The following PPP1R9A variants were observed in gnomAD, a reference collection of about 807,000 sequenced individuals.
The protein encoded by PPP1R9A is neurabin-1.
A neutral mutation model predicts 141.9 loss-of-function variants in PPP1R9A; 59 were observed. The ratio of observed to expected loss-of-function variants is 0.42; its 90% CI spans 0.34 to 0.52. PPP1R9A has a LOEUF of 0.52. Ranked by LOEUF, PPP1R9A falls within the 20% of genes least tolerant of loss-of-function variation. The pLI, the probability that PPP1R9A is intolerant of heterozygous loss-of-function variation, is 0.10. For missense variants in PPP1R9A, 1,444 were observed against 1,611.9 expected, an observed-to-expected ratio of 0.90 and a Z score of 1.78; for synonymous variants, 500 against 569.7, an observed-to-expected ratio of 0.88 and a Z score of 1.74.
intron 4 of PPP1R9A, among the ~76,000 whole-genome samples, chr7:95,144,702 C>T (rs1827298804): frequency 6.6e-6 from 1 of 152,108 alleles, no homozygotes; most frequent in African/African-American, 2.4e-5. Flanking sequence ...ACTCTTGCCA[C>T]TTATCAACAT....
At chr7:95,282,768 A>G (rs1303970784) in intron 16 of PPP1R9A, among the ~76,000 whole-genome samples, 1 of 152,150 alleles carries the variant, frequency 6.6e-6, no homozygotes, top group Non-Finnish European at 1.5e-5. Context: ...TGACTTCTTC[A>G]TTCTCTTCAG....
At chr7:94,994,820 G>A (rs1801963555) in intron 2 of PPP1R9A, among the ~76,000 whole-genome samples, 1 of 151,884 alleles carries the variant, frequency 6.6e-6, no homozygotes, top group Admixed American at 6.6e-5. Flanking sequence ...CTTGAACCTG[G>A]GAGGCGGAGG....
intron 5 of PPP1R9A, among the ~76,000 whole-genome samples, chr7:95,176,792 G>T (rs952241808): frequency 1.3e-5 from 2 of 151,996 alleles, no homozygotes; most frequent in African/African-American, 4.8e-5. Flanking sequence ...TAAGATCTTC[G>T]AATTAACCCA....
intron 6 of PPP1R9A, chr7:95,202,595 T>G: frequency 1.1e-6 from 1 of 914,026 alleles, no homozygotes; most frequent in Non-Finnish European, 1.3e-6. Flanking sequence ...TTTCAATAAA[T>G]CTCTCAGACA....
intron 4 of PPP1R9A, among the ~76,000 whole-genome samples, chr7:95,137,290 T>C (rs541207388): frequency 4.2e-5 from 6 of 142,762 alleles, no homozygotes; most frequent in Middle Eastern, 6.9e-3. Flanking sequence ...TGTGTCCAAG[T>C]GTTCTCATTG....
At chr7:95,209,627 C>G (rs1257418181) in intron 7 of PPP1R9A, among the ~76,000 whole-genome samples, 1 of 152,162 alleles carries the variant, frequency 6.6e-6, no homozygotes, top group Admixed American at 6.5e-5. Context: ...CTATGTTTAT[C>G]ATTAATCTAT....
At chr7:95,145,338 A>T (rs564778883) in intron 4 of PPP1R9A, among the ~76,000 whole-genome samples, 5 of 152,204 alleles carry the variant, frequency 3.3e-5, no homozygotes, top group Non-Finnish European at 7.3e-5. Flanking sequence ...AGTGGTGAAG[A>T]CCAAACTATA....
At position 95,296,206 on chromosome 7, in the gene PPP1R9A, T is replaced by G. The variant is rs1224914827; in HGVS notation, c.*5903T>G. 1.3e-5 allele frequency: 2 copies of G among 152,662 alleles called. No homozygotes were observed. Among genetic ancestry groups the G allele is most frequent in the Non-Finnish European group, 1.5e-5 (1 of 68,046 alleles). The allele number at this position is 152,662 out of a possible 1,614,324, so 9.5% of individuals were successfully genotyped here. The stretch of plus-strand genomic sequence containing the variant: ...TTGGTTAATATGTACTTCTCTAGAT[T>G]GTTCAAAAAGTTTCAAATGACATTC... On this transcript the variant is annotated 3_prime_UTR_variant, in exon 20 of 20. Coordinates refer to ENST00000433360, the MANE Select transcript of PPP1R9A (RefSeq NM_001166160.2).
intron 2 of PPP1R9A, among the ~76,000 whole-genome samples, chr7:95,041,142 A>C (rs1809169685): frequency 6.6e-6 from 1 of 152,184 alleles, no homozygotes; most frequent in Non-Finnish European, 1.5e-5. Context: ...AGGGAACAGG[A>C]GGGAAATGCA....
At chr7:94,936,651 GGTGTGTGTGTGTGTGT>G (rs35730484) in intron 2 of PPP1R9A, among the ~76,000 whole-genome samples, 8 of 82,234 alleles carry the variant, frequency 9.7e-5, no homozygotes, top group African/African-American at 1.9e-4. Context: ...ACTGTGTAGG[GGTGTGTGTGTGTGTGT>G]GTGTGTGTGT....
intron 2 of PPP1R9A, among the ~76,000 whole-genome samples, chr7:95,009,397 G>T (rs1334300317): frequency 6.6e-6 from 1 of 152,182 alleles, no homozygotes; most frequent in Non-Finnish European, 1.5e-5. Context: ...CTAGCATCCA[G>T]GTGTGCTGGG....
intron 6 of PPP1R9A, among the ~76,000 whole-genome samples, chr7:95,201,777 T>C (rs1385780042): frequency 6.6e-6 from 1 of 152,222 alleles, no homozygotes; most frequent in Non-Finnish European, 1.5e-5. Context: ...TTTTATGATT[T>C]ATAGAATCAT....
chr7:95,123,931 T>A (rs1054457205), intron 4 of PPP1R9A, among the ~76,000 whole-genome samples: 1 of 152,110 alleles, frequency 6.6e-6, no homozygotes, highest in Non-Finnish European at 1.5e-5. Context: ...AGAAGCCTCA[T>A]GGAAAACTAT....
Position 95,292,984 on chromosome 7 carries a change from C to T in PPP1R9A, c.*2681C>T, listed in dbSNP as rs768660326. 2 of 152,116 alleles carry T rather than the reference C, an allele frequency of 1.3e-5. No individual in the cohort carries two copies. The highest frequency in any genetic ancestry group is 2.9e-5 in the Non-Finnish European group (2 of 68,030). The allele number at this position is 152,116 out of a possible 1,614,324, so 9.4% of individuals were successfully genotyped here. The stretch of plus-strand genomic sequence containing the variant: ...ATTTAACACAGAATTGTTATTTCAT[C>T]AACCTTAAAAACTGCAGTTTTTATT... On this transcript the variant is annotated 3_prime_UTR_variant, in exon 20 of 20. Transcript: ENST00000433360.
At chr7:95,238,358 T>C (rs1267116840) in intron 8 of PPP1R9A, among the ~76,000 whole-genome samples, 1 of 152,098 alleles carries the variant, frequency 6.6e-6, no homozygotes, top group Non-Finnish European at 1.5e-5. Flanking sequence ...AATAAGTTAG[T>C]GTCTAGGAGG....
At chr7:95,110,701 A>T (rs1278460534) in intron 2 of PPP1R9A, among the ~76,000 whole-genome samples, 1 of 152,244 alleles carries the variant, frequency 6.6e-6, no homozygotes, top group Admixed American at 6.5e-5. Context: ...TAATAATTTC[A>T]TAAAAGTTTC....
intron 12 of PPP1R9A, among the ~76,000 whole-genome samples, chr7:95,253,913 G>A (rs1026076551): frequency 6.6e-6 from 1 of 151,732 alleles, no homozygotes; most frequent in African/African-American, 2.4e-5. Flanking sequence ...GTATCTAGTA[G>A]CTTTTCATTT....
At chr7:94,964,577 C>T (rs1797997959) in intron 2 of PPP1R9A, among the ~76,000 whole-genome samples, 2 of 152,058 alleles carry the variant, frequency 1.3e-5, no homozygotes, top group South Asian at 2.1e-4. Flanking sequence ...TGAATGAGAA[C>T]ATGTGGTGTT....
intron 13 of PPP1R9A, 94 bp downstream of exon 13, chr7:95,268,801 T>G: frequency 6.9e-7 from 1 of 1,443,976 alleles, no homozygotes; most frequent in Non-Finnish European, 9.4e-7. Context: ...GCAAACAGAG[T>G]CTATGTCCTA....
Sources: allele counts gnomAD v4.1 joint callset (sites outside exome capture counted in the v4.1 genomes callset), GRCh38; gene constraint gnomAD v4.1.1; transcripts MANE v1.5; gene names NCBI Gene and HGNC (gene_info 2026-07-23, HGNC 2026-07-21).